NAALADL2: variants seen among roughly 807,000 people sequenced by gnomAD.
The protein encoded by NAALADL2 is inactive N-acetylated-alpha-linked acidic dipeptidase-like protein 2.
In NAALADL2, 76 loss-of-function variants were observed where a neutral mutation model predicts 87.2. The observed-to-expected ratio is 0.87, with a 90% CI of 0.72 to 1.05. The LOEUF (loss-of-function observed/expected upper bound fraction) is 1.05, where lower values mean the gene tolerates loss of function less well. NAALADL2 is among the 50% of genes least tolerant of loss of function. NAALADL2 has a pLI of 0.00. For missense variants in NAALADL2, 1,089 were observed against 945.8 expected (o/e 1.15, Z -1.99); for synonymous variants, 354 against 331.0 (o/e 1.07, Z -0.75).
intron 2 of NAALADL2, among the ~76,000 whole-genome samples, chr3:175,098,415 G>T (rs2108385796): frequency 6.6e-6 from 1 of 152,220 alleles, no homozygotes; most frequent in South Asian, 2.1e-4. Context: ...TACTCAGGTA[G>T]CCCAGAAATT....
At chr3:174,611,652 T>C (rs983363047) in intron 2 of NAALADL2, among the ~76,000 whole-genome samples, 5 of 152,112 alleles carry the variant, frequency 3.3e-5, no homozygotes, top group African/African-American at 9.7e-5. Flanking sequence ...AGAGCAGTGG[T>C]GTGATCTCGG....
At chr3:175,236,838 A>G (rs1471242257) in intron 3 of NAALADL2, among the ~76,000 whole-genome samples, 4 of 152,182 alleles carry the variant, frequency 2.6e-5, no homozygotes, top group Non-Finnish European at 4.4e-5. Flanking sequence ...AGGCTGAATC[A>G]CAAAAATGTT....
At chr3:175,521,671 C>T (rs893382581) in intron 9 of NAALADL2, among the ~76,000 whole-genome samples, 10 of 152,086 alleles carry the variant, frequency 6.6e-5, no homozygotes, top group African/African-American at 1.4e-4. Context: ...GAGACACACA[C>T]GGAGATGGCC....
intron 1 of NAALADL2, among the ~76,000 whole-genome samples, chr3:174,546,402 C>T (rs993408133): frequency 6.6e-6 from 1 of 152,132 alleles, no homozygotes; most frequent in Admixed American, 6.6e-5. Flanking sequence ...TCTTCTGGTT[C>T]TACAGTCAGA....
rs76098694 is a variant in NAALADL2 at position 174,628,550 on chromosome 3, C to G, written c.-115+77913C>G. ...ATACATAAGAAAATTATGACCCAAACAGATTGAATGGCTTAATCAAGTTCA... is the reference window on the plus strand; with the variant it reads ...ATACATAAGAAAATTATGACCCAAAGAGATTGAATGGCTTAATCAAGTTCA... On this transcript the variant is annotated intron_variant, in intron 2 of 3. Coordinates refer to the NAALADL2 transcript ENST00000434257. Among the ~76,000 whole-genome samples the G allele has an allele frequency of 2.3e-3, 336 of 148,606 alleles. 3 individuals carry two copies. Among genetic ancestry groups the G allele is most frequent in the African/African-American group, 7.7e-3 (311 of 40,388 alleles).
At chr3:174,754,466 CT>C (rs11285494) in intron 3 of NAALADL2, among the ~76,000 whole-genome samples, 56,051 of 125,492 alleles carry the variant, frequency 0.45, 13,061 homozygotes, top group African/African-American at 0.66. Context: ...ACAGAGCTAT[CT>C]TTTTTTTTTT....
intron 13 of NAALADL2, among the ~76,000 whole-genome samples, chr3:175,778,149 AT>A (rs2150202182): frequency 6.6e-6 from 1 of 152,246 alleles, no homozygotes; most frequent in African/African-American, 2.4e-5. Context: ...ATCTAAAGTT[AT>A]TTGGTGGGGT....
chr3:174,507,306 G>A (rs1349915347), intron 1 of NAALADL2, among the ~76,000 whole-genome samples: 1 of 152,082 alleles, frequency 6.6e-6, no homozygotes, highest in African/African-American at 2.4e-5. Flanking sequence ...AGGAAGTTTA[G>A]GTATTCTATG....
At chr3:174,924,301 A>G (rs1405995713) in intron 1 of NAALADL2, among the ~76,000 whole-genome samples, 1 of 145,236 alleles carries the variant, frequency 6.9e-6, no homozygotes, top group Non-Finnish European at 1.5e-5. Flanking sequence ...TATGAGTGAG[A>G]ACATGTGGTG....
At chr3:175,084,328 C>T (rs1718448442) in intron 1 of NAALADL2, among the ~76,000 whole-genome samples, 1 of 152,094 alleles carries the variant, frequency 6.6e-6, no homozygotes, top group Non-Finnish European at 1.5e-5. Flanking sequence ...CACTTGGTAG[C>T]GATCAGCTGC....
chr3:175,505,139 C>T (rs1405069379), intron 9 of NAALADL2, among the ~76,000 whole-genome samples: 2 of 151,964 alleles, frequency 1.3e-5, no homozygotes, highest in Admixed American at 1.3e-4. Flanking sequence ...GAAACTCTAC[C>T]TAGTTACAAA....
chr3:175,392,465 C>T (rs1400813233), intron 5 of NAALADL2, among the ~76,000 whole-genome samples: 1 of 152,172 alleles, frequency 6.6e-6, no homozygotes, highest in Middle Eastern at 3.2e-3. Flanking sequence ...CATAGCTCTT[C>T]CTCCCTTTCT....
intron 4 of NAALADL2, among the ~76,000 whole-genome samples, chr3:175,304,171 G>A (rs533233980): frequency 9.3e-4 from 142 of 152,190 alleles, no homozygotes; most frequent in African/African-American, 3.4e-3. Context: ...AAAGAGAAAG[G>A]GAAGAGAAAT....
intron 4 of NAALADL2, among the ~76,000 whole-genome samples, chr3:175,301,708 C>T (rs1282731041): frequency 1.3e-5 from 2 of 152,140 alleles, no homozygotes; most frequent in African/African-American, 2.4e-5. Context: ...TGAAATTCTA[C>T]TGGACCAAAA....
intron 4 of NAALADL2, among the ~76,000 whole-genome samples, chr3:175,259,578 A>G (rs1007700790): frequency 1.3e-5 from 2 of 152,220 alleles, no homozygotes; most frequent in African/African-American, 4.8e-5. Flanking sequence ...CCTACCAGTG[A>G]CAAAAATGTG....
chr3:175,588,000 G>T (rs1249641727), intron 10 of NAALADL2, among the ~76,000 whole-genome samples: 1 of 151,242 alleles, frequency 6.6e-6, no homozygotes, highest in African/African-American at 2.4e-5. Flanking sequence ...TGAGATCCTA[G>T]AACTCAGGGT....
At chr3:175,692,429 C>A (rs1432509957) in intron 11 of NAALADL2, among the ~76,000 whole-genome samples, 1 of 152,040 alleles carries the variant, frequency 6.6e-6, no homozygotes, top group Non-Finnish European at 1.5e-5. Context: ...TTCATTCTAG[C>A]CCTCACCCAT....
intron 1 of NAALADL2, among the ~76,000 whole-genome samples, chr3:174,872,332 G>A (rs1044081347): frequency 6.6e-6 from 1 of 152,088 alleles, no homozygotes; most frequent in African/African-American, 2.4e-5. Context: ...TTTTACAGAA[G>A]GCTCCTTGAG....
chr3:174,536,500 G>A (rs1264935755), intron 1 of NAALADL2: 1 of 152,120 alleles, frequency 6.6e-6, no homozygotes, highest in Non-Finnish European at 1.5e-5. Context: ...GTCGTTTTGA[G>A]TGAGTGTACT....
Sources: gnomAD v4.1 joint callset for allele counts (sites outside exome capture counted in the v4.1 genomes callset) on GRCh38, gnomAD v4.1.1 for gene constraint, MANE v1.5 for transcripts, NCBI Gene and HGNC (gene_info 2026-07-23, HGNC 2026-07-21) for gene names.